The following CNTN5 variants were observed in gnomAD, a reference collection of about 807,000 sequenced individuals.
CNTN5 encodes the protein contactin 5.
CNTN5 carries 77 observed loss-of-function variants against 129.1 expected under a neutral mutation model. The observed-to-expected ratio is 0.60, with a 90% CI of 0.50 to 0.72. The LOEUF is 0.72. Ranked by LOEUF, CNTN5 falls within the 30% of genes least tolerant of loss-of-function variation. The pLI, the probability that CNTN5 is intolerant of heterozygous loss-of-function variation, is 0.00. For missense variants in CNTN5, 1,478 were observed against 1,328.8 expected, an observed-to-expected ratio of 1.11 and a Z score of -1.75; for synonymous variants, 509 against 465.6, an observed-to-expected ratio of 1.09 and a Z score of -1.20.
At chr11:99,671,641 A>C (rs1192717184) in intron 3 of CNTN5, among the ~76,000 whole-genome samples, 1 of 152,204 alleles carries the variant, frequency 6.6e-6, no homozygotes, top group Non-Finnish European at 1.5e-5. Context: ...AACATAAAAA[A>C]TGCTGTCAGG....
At chr11:99,973,914 C>G (rs1217718278) in intron 8 of CNTN5, among the ~76,000 whole-genome samples, 1 of 152,190 alleles carries the variant, frequency 6.6e-6, no homozygotes, top group Non-Finnish European at 1.5e-5. Context: ...TACTGAGCCT[C>G]ATATATTCAA....
intron 9 of CNTN5, among the ~76,000 whole-genome samples, chr11:100,025,750 T>A (rs1941387406): frequency 6.6e-6 from 1 of 152,208 alleles, no homozygotes; most frequent in Non-Finnish European, 1.5e-5. Context: ...GATTTTGGAC[T>A]TGTATGGTGC....
chr11:99,107,052 T>A (rs575241283), intron 1 of CNTN5, among the ~76,000 whole-genome samples: 3 of 152,298 alleles, frequency 2.0e-5, no homozygotes, highest in Middle Eastern at 3.4e-3. Flanking sequence ...CAAAATGCTA[T>A]CTGTTATCAA....
intron 7 of CNTN5, among the ~76,000 whole-genome samples, chr11:99,931,781 T>C (rs1950198447): frequency 6.6e-6 from 1 of 152,156 alleles, no homozygotes. Flanking sequence ...GCTCTAAAAC[T>C]GAAGGCAGGA....
At chr11:100,292,307 T>C (rs1003744796) in intron 18 of CNTN5, among the ~76,000 whole-genome samples, 3 of 152,004 alleles carry the variant, frequency 2.0e-5, no homozygotes, top group South Asian at 2.1e-4. Context: ...ATGGGGTGCA[T>C]TGAGTTCTTT....
intron 3 of CNTN5, among the ~76,000 whole-genome samples, chr11:99,781,581 C>T (rs1418129530): frequency 1.3e-5 from 2 of 151,842 alleles, no homozygotes; most frequent in Non-Finnish European, 2.9e-5. Context: ...CTCTCCTGAC[C>T]CTATTTGCAA....
At chr11:99,819,309 C>T (rs1379162711) in intron 3 of CNTN5, among the ~76,000 whole-genome samples, 5 of 47,148 alleles carry the variant, frequency 1.1e-4, no homozygotes, top group Non-Finnish European at 1.7e-4. Context: ...CCTTCCCTCC[C>T]CTCTCCTCCC....
chr11:100,249,705 T>C (rs938086834), intron 16 of CNTN5, among the ~76,000 whole-genome samples: 2 of 152,146 alleles, frequency 1.3e-5, no homozygotes, highest in African/African-American at 4.8e-5. Context: ...GTAAATTAGC[T>C]GAAAAAGCCT....
At chr11:99,060,260 GA>G (rs2135208035) in intron 1 of CNTN5, among the ~76,000 whole-genome samples, 1 of 152,018 alleles carries the variant, frequency 6.6e-6, no homozygotes, top group African/African-American at 2.4e-5. Flanking sequence ...TATAATATCA[GA>G]AAATCTCAAT....
At chr11:99,414,798 C>A (rs1327347684) in intron 2 of CNTN5, among the ~76,000 whole-genome samples, 2 of 152,002 alleles carry the variant, frequency 1.3e-5, no homozygotes, top group African/African-American at 4.8e-5. Context: ...GCAAGAAAGT[C>A]TTTGTGTCTG....
chr11:99,452,362 A>G (rs1944334379), intron 2 of CNTN5, among the ~76,000 whole-genome samples: 1 of 146,334 alleles, frequency 6.8e-6, no homozygotes, highest in Non-Finnish European at 1.5e-5. Context: ...GTTTATATCT[A>G]AACACAGGTG....
At chr11:99,865,785 T>A (rs557946303) in intron 6 of CNTN5, among the ~76,000 whole-genome samples, 1 of 152,230 alleles carries the variant, frequency 6.6e-6, no homozygotes, top group South Asian at 2.1e-4. Context: ...ATTTGTTAAG[T>A]TTATTGCATT....
At chr11:99,583,321 T>C (rs1046802720) in intron 3 of CNTN5, among the ~76,000 whole-genome samples, 1 of 152,200 alleles carries the variant, frequency 6.6e-6, no homozygotes, top group African/African-American at 2.4e-5. Flanking sequence ...TCAAGCTGTG[T>C]GCTGGGAGTA....
chr11:100,342,152 G>GACACACACACACACACACACACAC (rs3220443), intron 23 of CNTN5, among the ~76,000 whole-genome samples: 18 of 146,898 alleles, frequency 1.2e-4, no homozygotes, highest in African/African-American at 3.5e-4. Flanking sequence ...ATAGATCACA[G>GACACACACACACACACACACACAC]ACACACACAC....
chr11:100,018,618 T>G (rs940693078), intron 9 of CNTN5, among the ~76,000 whole-genome samples: 21 of 151,962 alleles, frequency 1.4e-4, no homozygotes, highest in African/African-American at 5.1e-4. Flanking sequence ...ACCATAAATC[T>G]TCCATGAACA....
chr11:99,532,945 G>A (rs1217859206), intron 2 of CNTN5, among the ~76,000 whole-genome samples: 1 of 152,192 alleles, frequency 6.6e-6, no homozygotes, highest in East Asian at 1.9e-4. Context: ...AATTGGGGCT[G>A]GGCACGGTGG....
intron 1 of CNTN5, among the ~76,000 whole-genome samples, chr11:99,073,635 T>A (rs932963100): frequency 2.6e-5 from 4 of 152,150 alleles, no homozygotes; most frequent in South Asian, 2.1e-4. Context: ...CACTGATGAG[T>A]GAAAACACGC....
intron 2 of CNTN5, among the ~76,000 whole-genome samples, chr11:99,349,245 T>G (rs1938119332): frequency 6.6e-6 from 1 of 152,318 alleles, no homozygotes; most frequent in African/African-American, 2.4e-5. Context: ...GCTTTCCTGG[T>G]GGAATTTAAC....
intron 2 of CNTN5, among the ~76,000 whole-genome samples, chr11:99,383,002 G>A (rs919240630): frequency 4.6e-5 from 7 of 151,098 alleles, no homozygotes; most frequent in Non-Finnish European, 7.4e-5. Flanking sequence ...GACTACAGCC[G>A]TCCACCACGA....
Sources: gnomAD v4.1 joint callset for allele counts (sites outside exome capture counted in the v4.1 genomes callset) on GRCh38, gnomAD v4.1.1 for gene constraint, MANE v1.5 for transcripts, NCBI Gene and HGNC (gene_info 2026-07-23, HGNC 2026-07-21) for gene names.